The following SH3GL3 variants were observed in gnomAD, a reference collection of about 807,000 sequenced individuals.
SH3GL3 encodes the protein endophilin-A3.
A neutral mutation model predicts 47.7 loss-of-function variants in SH3GL3; 33 were observed. The observed-to-expected ratio is 0.69, with a 90% CI of 0.52 to 0.92. SH3GL3 has a LOEUF of 0.92. Ranked by LOEUF, SH3GL3 falls within the 40% of genes least tolerant of loss-of-function variation. The pLI is 0.00. For missense variants in SH3GL3, 363 were observed against 417.8 expected, an observed-to-expected ratio of 0.87 and a Z score of 1.14; for synonymous variants, 155 against 148.8, an observed-to-expected ratio of 1.04 and a Z score of -0.30.
intron 8 of SH3GL3, among the ~76,000 whole-genome samples, chr15:83,614,674 C>G (rs2060766571): frequency 6.6e-6 from 1 of 152,184 alleles, no homozygotes; most frequent in African/African-American, 2.4e-5. Flanking sequence ...GAACCACTGC[C>G]ATAGGAAGGC....
chr15:83,449,287 T>C (rs909521499), intron 1 of SH3GL3, among the ~76,000 whole-genome samples: 1 of 152,102 alleles, frequency 6.6e-6, no homozygotes, highest in African/African-American at 2.4e-5. Context: ...AAGGGGGACA[T>C]TTAAAGGCAG....
chr15:83,447,346 T>C lies in SH3GL3; in HGVS notation c.-188T>C. 2.8e-6 allele frequency: 1 copy of C among 362,074 alleles called. No individual in the cohort carries two copies. 22.4% of individuals were successfully genotyped at this position (362,074 alleles called of 1,614,324 possible). A position where few individuals can be genotyped will look rare whatever the true frequency, so the allele number is the denominator to read the frequency against. ...GCGCAGGGGCTTTGGAACGCAGTGTTGCCATCGGCGTGCGCGCGTGTGTGC... is the reference window on the plus strand; with the variant it reads ...GCGCAGGGGCTTTGGAACGCAGTGTCGCCATCGGCGTGCGCGCGTGTGTGC... On this transcript the variant is annotated 5_prime_UTR_variant, in exon 1 of 9. Coordinates refer to ENST00000427482, the MANE Select transcript of SH3GL3 (RefSeq NM_003027.5). The surrounding 1 kb of genome is among the most constrained non-coding windows in gnomAD (Gnocchi z 5.1).
At chr15:83,498,737 C>T (rs755490410) in intron 1 of SH3GL3, among the ~76,000 whole-genome samples, 8 of 152,194 alleles carry the variant, frequency 5.3e-5, no homozygotes, top group Non-Finnish European at 1.2e-4. Flanking sequence ...GGCCATCTTC[C>T]TCACTGTGGC....
intron 1 of SH3GL3, among the ~76,000 whole-genome samples, chr15:83,553,528 G>C (rs2304): frequency 0.038 from 5,793 of 151,920 alleles, 142 homozygotes; most frequent in Non-Finnish European, 0.06. Context: ...TTTTCTTTTG[G>C]ATTGAAAAAT....
intron 8 of SH3GL3, among the ~76,000 whole-genome samples, chr15:83,614,025 T>TAATTA (rs1225458527): frequency 2.0e-5 from 3 of 152,166 alleles, no homozygotes; most frequent in Non-Finnish European, 4.4e-5. Context: ...AAAAGAATAA[T>TAATTA]AATTATTTTT....
intron 3 of SH3GL3, among the ~76,000 whole-genome samples, chr15:83,566,646 C>T (rs556469586): frequency 2.0e-5 from 3 of 152,244 alleles, no homozygotes; most frequent in South Asian, 2.1e-4. Flanking sequence ...TGTGGTAACA[C>T]GTCTGTAGTC....
intron 6 of SH3GL3, among the ~76,000 whole-genome samples, chr15:83,584,003 T>C (rs1173354877): frequency 6.6e-6 from 1 of 152,190 alleles, no homozygotes; most frequent in Non-Finnish European, 1.5e-5. Flanking sequence ...CAGTTTCCTA[T>C]TGGGGCCATA....
chr15:83,587,117 G>C, intron 7 of SH3GL3, 31 bp downstream of exon 7: 1 of 1,156,146 alleles, frequency 8.6e-7, no homozygotes, highest in Non-Finnish European at 1.3e-6. Flanking sequence ...TACAAGCCAA[G>C]GGCTGCGGAG....
chr15:83,551,414 G>A (rs966374803), intron 1 of SH3GL3, among the ~76,000 whole-genome samples: 2 of 152,182 alleles, frequency 1.3e-5, no homozygotes, highest in Non-Finnish European at 2.9e-5. Flanking sequence ...TGGGGAAGCT[G>A]AATAGGTGAG....
rs945301521 is a variant in SH3GL3 at position 83,618,182 on chromosome 15, A to G, written c.939A>G (p.Thr313=). The change falls in exon 9 of 9, where the codon ACA becomes ACG. Residue 313 remains threonine, a synonymous_variant. Coordinates refer to ENST00000427482, the MANE Select transcript of SH3GL3 (RefSeq NM_003027.5). The stretch of plus-strand genomic sequence containing the variant: ...GATTTAAAGAAGGGGACATCATTAC[A>G]TTAACCAATCAAATAGATGAAAACT... ...ELGFKEGDII[T]LTNQIDENWY... 5 of 1,609,922 alleles carry G rather than the reference A, an allele frequency of 3.1e-6. No homozygotes were observed. Among genetic ancestry groups the G allele is most frequent in the Admixed American group, 1.7e-5 (1 of 60,008 alleles).
chr15:83,601,868 T>C (rs1347230234), intron 8 of SH3GL3, among the ~76,000 whole-genome samples: 3 of 151,082 alleles, frequency 2.0e-5, no homozygotes, highest in African/African-American at 7.3e-5. Flanking sequence ...ACCATTTCAG[T>C]CTTGCTGCTT....
chr15:83,519,185 G>A (rs1242315711), intron 1 of SH3GL3, among the ~76,000 whole-genome samples: 1 of 152,140 alleles, frequency 6.6e-6, no homozygotes, highest in African/African-American at 2.4e-5. Context: ...CTTTAGAATA[G>A]TTTTCTCTAG....
chr15:83,629,191 C>A, the SH3GL3 span, among the ~76,000 whole-genome samples: 2 of 152,110 alleles, frequency 1.3e-5, no homozygotes, highest in Non-Finnish European at 2.9e-5. Context: ...AAATAAAAAT[C>A]CCAGCAGGGC....
chr15:83,485,581 T>A (rs2041558384), intron 1 of SH3GL3, among the ~76,000 whole-genome samples: 1 of 152,192 alleles, frequency 6.6e-6, no homozygotes, highest in Non-Finnish European at 1.5e-5. Flanking sequence ...CCTTCCAGGC[T>A]CAAGCAATCC....
intron 8 of SH3GL3, among the ~76,000 whole-genome samples, chr15:83,612,995 T>G (rs746998116): frequency 6.6e-6 from 1 of 152,252 alleles, no homozygotes; most frequent in Non-Finnish European, 1.5e-5. Context: ...GCTTTGTTCA[T>G]GTCTGGGTTC....
In SH3GL3 at chr15:83,541,310, C is replaced by CAATTTTTTTTTTT. The variant is rs1567318555; in HGVS notation, c.46-17943_46-17942insAATTTTTTTTTTT. Among the ~76,000 whole-genome samples, 9 of 47,748 alleles carry CAATTTTTTTTTTT rather than the reference C, an allele frequency of 1.9e-4. 1 individual carries two copies. The highest frequency in any genetic ancestry group is 5.9e-4 in the African/African-American group (9 of 15,290). The allele number at this position is 47,748 out of a possible 152,430, so 31.3% of individuals were successfully genotyped here. A position where few individuals can be genotyped will look rare whatever the true frequency, so the allele number is the denominator to read the frequency against. ...GGGATGGCTGGATCATATGGTAATT[C>CAATTTTTTTTTTT]TATTTTTTTTTTTTTTTTTTTTTTT... is the stretch of plus-strand genomic sequence containing the variant. On this transcript the variant is annotated intron_variant, in intron 1 of 8. Transcript: ENST00000427482.
At chr15:83,509,459 T>C (rs2042653953) in intron 1 of SH3GL3, among the ~76,000 whole-genome samples, 2 of 152,196 alleles carry the variant, frequency 1.3e-5, no homozygotes, top group South Asian at 2.1e-4. Flanking sequence ...TCTTCCTAAC[T>C]ATTTAGTAGA....
At chr15:83,571,098 G>A (rs1308223867) in intron 4 of SH3GL3, among the ~76,000 whole-genome samples, 1 of 152,170 alleles carries the variant, frequency 6.6e-6, no homozygotes, top group Non-Finnish European at 1.5e-5. Flanking sequence ...GTTTTCTTTT[G>A]GGGGGCCACA....
chr15:83,476,799 C>A (rs910242513), intron 1 of SH3GL3, among the ~76,000 whole-genome samples: 1 of 152,146 alleles, frequency 6.6e-6, no homozygotes. Flanking sequence ...ACTATGTGGT[C>A]CCTACAAAGA....
Sources: allele counts gnomAD v4.1 joint callset (sites outside exome capture counted in the v4.1 genomes callset), GRCh38; gene constraint gnomAD v4.1.1; non-coding constraint Gnocchi (gnomAD v3.1); transcripts MANE v1.5; gene names NCBI Gene and HGNC (gene_info 2026-07-23, HGNC 2026-07-21).